The following ESRRG variants were observed in gnomAD, a reference collection of about 807,000 sequenced individuals.
ESRRG encodes estrogen related receptor gamma, also known as estrogen-related receptor gamma.
Under a neutral mutation model 44.0 loss-of-function variants are expected in ESRRG, and 13 were observed. The observed-to-expected ratio is 0.30, with a 90% confidence interval of 0.19 to 0.47. ESRRG has a LOEUF of 0.47. ESRRG is among the 20% of genes least tolerant of loss of function. ESRRG has a pLI of 1.00. For missense variants in ESRRG, 395 were observed against 580.6 expected (o/e 0.68, Z 3.29); for synonymous variants, 215 against 214.6 (o/e 1.00, Z -0.02).
chr1:217,013,067 A>G (rs370525875), intron 1 of ESRRG, among the ~76,000 whole-genome samples: 5 of 152,252 alleles, frequency 3.3e-5, no homozygotes, highest in African/African-American at 9.6e-5. Flanking sequence ...CTCCTTTTTT[A>G]TAAGAGGATA....
intron 1 of ESRRG, among the ~76,000 whole-genome samples, chr1:217,019,011 C>G (rs973571413): frequency 1.3e-5 from 2 of 152,172 alleles, no homozygotes; most frequent in South Asian, 2.1e-4. Context: ...CTTCCTATAA[C>G]TTTTCATCAA....
intron 2 of ESRRG, among the ~76,000 whole-genome samples, chr1:216,770,318 A>G (rs559103495): frequency 4.3e-4 from 65 of 152,226 alleles, no homozygotes; most frequent in African/African-American, 1.4e-3. Flanking sequence ...GGAGACTTAA[A>G]CATGTAAGAA....
At chr1:216,627,429 C>G (rs1300639689) in intron 3 of ESRRG, among the ~76,000 whole-genome samples, 1 of 152,164 alleles carries the variant, frequency 6.6e-6, no homozygotes, top group African/African-American at 2.4e-5. Flanking sequence ...CTCAACACAT[C>G]TCAGTCCTGT....
chr1:217,045,710 G>A (rs4085455), intron 1 of ESRRG, among the ~76,000 whole-genome samples: 58,046 of 151,518 alleles, frequency 0.38, 11,249 homozygotes, highest in Non-Finnish European at 0.42. Context: ...GGCAGTTGTC[G>A]TTTTTTTTTC....
At chr1:216,780,314 C>T (rs1410948841) in intron 2 of ESRRG, among the ~76,000 whole-genome samples, 1 of 151,930 alleles carries the variant, frequency 6.6e-6, no homozygotes, top group African/African-American at 2.4e-5. Flanking sequence ...ATTGAAAATG[C>T]TCCGTGTATA....
intron 3 of ESRRG, among the ~76,000 whole-genome samples, chr1:216,634,826 G>T (rs2064970474): frequency 6.6e-6 from 1 of 152,176 alleles, no homozygotes; most frequent in African/African-American, 2.4e-5. Flanking sequence ...ATTCTGGCCT[G>T]ATCAGTATTC....
At position 216,794,623 on chromosome 1, in the gene ESRRG, TC is replaced by T. The variant is rs569093640; in HGVS notation, c.-13-117133del. Among the ~76,000 whole-genome samples, 432 of 152,300 alleles carry T rather than the reference TC, an allele frequency of 2.8e-3. 3 individuals carry two copies. The highest frequency in any genetic ancestry group is 6.8e-3 in the Middle Eastern group (2 of 294). The stretch of plus-strand genomic sequence containing the variant: ...CTAACAGAGCAACATTTCTTTTTTT[TC>T]CCACTGACTAAGCCCCTTTCCTAGA... On this transcript the variant is annotated intron_variant, in intron 2 of 7. Transcript: ENST00000359162.
chr1:216,783,087 C>T lies in ESRRG; in HGVS notation c.-13-105596G>A, dbSNP rs967576501. Among the ~76,000 whole-genome samples, 4 of 151,772 alleles carry T rather than the reference C, an allele frequency of 2.6e-5. No homozygotes were observed. In the South Asian group the frequency reaches 6.2e-4, roughly 24 times the overall value. On this transcript the variant is annotated intron_variant, in intron 2 of 7. Coordinates refer to the ESRRG transcript ENST00000359162. ...CACTCAGAAGAGTTAGGGGGCATATCGGAATCTCACGGTGGCTGGGATTCC... is the reference window on the plus strand; with the variant it reads ...CACTCAGAAGAGTTAGGGGGCATATTGGAATCTCACGGTGGCTGGGATTCC...
chr1:216,658,569 C>T (rs1462272802), intron 2 of ESRRG, among the ~76,000 whole-genome samples: 6 of 151,598 alleles, frequency 4.0e-5, no homozygotes, highest in African/African-American at 1.5e-4. Flanking sequence ...TGCTGTAATC[C>T]CAGCACTTTG....
At chr1:216,651,203 C>A in intron 2 of ESRRG, 114 bp from the exon 3 acceptor site, 1 of 706,142 alleles carries the variant, frequency 1.4e-6, no homozygotes, top group African/African-American at 1.8e-5. Flanking sequence ...AAAAATGTCA[C>A]ATGAGACTCA....
At chr1:216,760,904 A>T (rs2092732047) in intron 2 of ESRRG, among the ~76,000 whole-genome samples, 1 of 152,092 alleles carries the variant, frequency 6.6e-6, no homozygotes, top group African/African-American at 2.4e-5. Context: ...AAGAATGTAT[A>T]AGCAGAGGAA....
chr1:216,529,449 A>G (rs771943468), intron 5 of ESRRG, among the ~76,000 whole-genome samples: 126 of 152,316 alleles, frequency 8.3e-4, no homozygotes, highest in Non-Finnish European at 1.3e-3. Flanking sequence ...TAGGATCAAA[A>G]ATATGCTTTT....
intron 2 of ESRRG, among the ~76,000 whole-genome samples, chr1:216,778,851 G>A (rs1224516279): frequency 6.6e-6 from 1 of 151,454 alleles, no homozygotes; most frequent in East Asian, 2.0e-4. Flanking sequence ...ACTAACATCT[G>A]ATAAACATAC....
intron 2 of ESRRG, among the ~76,000 whole-genome samples, chr1:216,756,837 G>T (rs2092472612): frequency 6.6e-6 from 1 of 151,942 alleles, no homozygotes. Flanking sequence ...GCAAAGAATG[G>T]TCCTCATTGG....
intron 1 of ESRRG, among the ~76,000 whole-genome samples, chr1:217,039,180 T>C (rs1297086173): frequency 6.6e-6 from 1 of 152,206 alleles, no homozygotes; most frequent in Admixed American, 6.5e-5. Flanking sequence ...CTCCAGGAAG[T>C]TCCAAACTTT....
intron 3 of ESRRG, among the ~76,000 whole-genome samples, chr1:216,642,524 C>T (rs528755924): frequency 6.6e-6 from 1 of 152,040 alleles, no homozygotes; most frequent in African/African-American, 2.4e-5. Context: ...AGGTGCTCTT[C>T]GCTATTGCTT....
intron 2 of ESRRG, among the ~76,000 whole-genome samples, chr1:216,777,495 A>G (rs571978179): frequency 1.3e-5 from 2 of 152,190 alleles, no homozygotes; most frequent in Admixed American, 6.5e-5. Context: ...TTTCTTTGTA[A>G]TCTGTTACAG....
chr1:217,085,517 A>C (rs1464936248), intron 1 of ESRRG, among the ~76,000 whole-genome samples: 1 of 95,120 alleles, frequency 1.1e-5, no homozygotes, highest in African/African-American at 4.5e-5. Context: ...TTTTAGACGA[A>C]GTCTCACTCT....
At chr1:216,533,514 A>C (rs905708596) in intron 5 of ESRRG, among the ~76,000 whole-genome samples, 5 of 152,116 alleles carry the variant, frequency 3.3e-5, no homozygotes, top group African/African-American at 1.2e-4. Context: ...AACAACCATA[A>C]ATGTGATAAA....
Sources: gnomAD v4.1 joint callset for allele counts (sites outside exome capture counted in the v4.1 genomes callset) on GRCh38, gnomAD v4.1.1 for gene constraint, MANE v1.5 for transcripts, NCBI Gene and HGNC (gene_info 2026-07-23, HGNC 2026-07-21) for gene names.